The following DEPDC7 variants were observed in gnomAD, a reference collection of about 807,000 sequenced individuals.
The protein encoded by DEPDC7 is DEP domain-containing protein 7.
A neutral mutation model predicts 56.6 loss-of-function variants in DEPDC7; 41 were observed. That is an observed-to-expected ratio of 0.72 (90% CI 0.56 to 0.94). The LOEUF is 0.94. Among genes scored for constraint, DEPDC7 ranks in the 40% least tolerant of loss-of-function variants. The pLI, the probability that DEPDC7 is intolerant of heterozygous loss-of-function variation, is 0.00. For missense variants in DEPDC7, 522 were observed against 596.3 expected (o/e 0.88, Z 1.30); for synonymous variants, 185 against 208.8 (o/e 0.89, Z 0.98).
At chr11:33,016,736 T>G in intron 1 of DEPDC7, 1 of 732,398 alleles carries the variant, frequency 1.4e-6, no homozygotes, top group South Asian at 1.8e-5. Flanking sequence ...GGATTCTGGT[T>G]TCTTTAAATG....
rs764361404 is a variant in DEPDC7 at position 33,025,931 on chromosome 11, T to A, written c.346T>A (p.Phe116Ile). Residue 116 changes from phenylalanine to isoleucine, a missense_variant, in exon 2 of 9, where the codon TTT becomes ATT. Physicochemically the swap from Phe to Ile is conservative, Grantham distance 21 (BLOSUM62 0). Coordinates refer to ENST00000241051, the MANE Select transcript of DEPDC7 (RefSeq NM_001077242.2). ...ATTTGAAGCAGTTCCAACCAAAGTC[T>A]TTGGAAAAGACAAAAAACCTACATT... is the stretch of plus-strand genomic sequence containing the variant. The part of the protein sequence containing the change: ...KVFEAVPTKV[F>I]GKDKKPTFED... The A allele has an allele frequency of 6.2e-7, 1 of 1,614,090 alleles. No individual in the cohort carries two copies.
At chr11:33,029,134 T>C (rs1000513915) in intron 4 of DEPDC7, among the ~76,000 whole-genome samples, 1 of 151,316 alleles carries the variant, frequency 6.6e-6, no homozygotes, top group Non-Finnish European at 1.5e-5. Flanking sequence ...TTTGACAGAT[T>C]ATTGAGATCC....
chr11:33,017,538 A>G (rs1411252059), intron 1 of DEPDC7, among the ~76,000 whole-genome samples: 1 of 152,220 alleles, frequency 6.6e-6, no homozygotes, highest in Admixed American at 6.5e-5. Context: ...CACTAGCTGC[A>G]GTGGACGGAG....
At chr11:33,016,531 C>CT (rs774585517) in intron 1 of DEPDC7, 1 of 1,614,126 alleles carries the variant, frequency 6.2e-7, no homozygotes, top group Admixed American at 1.7e-5. Flanking sequence ...CAGACTCTTC[C>CT]TGGGAGGGAT....
chr11:33,021,227 G>A (rs565630602), intron 1 of DEPDC7, among the ~76,000 whole-genome samples: 1 of 150,260 alleles, frequency 6.7e-6, no homozygotes, highest in South Asian at 2.1e-4. Flanking sequence ...CTCCAGCCTG[G>A]CGACAGAGTG....
chr11:33,032,850 G>A (rs1206249365), intron 7 of DEPDC7, 39 bp from the exon 8 acceptor site: 1 of 1,581,182 alleles, frequency 6.3e-7, no homozygotes, highest in Non-Finnish European at 8.6e-7. Context: ...AGATTAAAAT[G>A]CATTTGAATA....
Position 33,026,435 on chromosome 11 carries a change from T to C in DEPDC7, c.464+386T>C, listed in dbSNP as rs532543377. The C allele has an allele frequency of 4.5e-5, 13 of 289,442 alleles. No individual in the cohort carries two copies. In the East Asian group the frequency reaches 8.8e-4, roughly 20 times the overall value. The allele number at this position is 289,442 out of a possible 1,614,324, so 17.9% of individuals were successfully genotyped here. On this transcript the variant is annotated intron_variant, in intron 2 of 8. Coordinates refer to ENST00000241051, the MANE Select transcript of DEPDC7 (RefSeq NM_001077242.2). ...GAATTGTGGAATCCAGTGATTGAAA[T>C]GGATGTGGGTGATAATGCATAATGA...
At chr11:33,027,917 GAGAA>G (rs774267805) in intron 3 of DEPDC7, 104 bp downstream of exon 3, 44 of 1,177,466 alleles carry the variant, frequency 3.7e-5, no homozygotes, top group Non-Finnish European at 4.4e-5. Context: ...TCAAAGTACA[GAGAA>G]AGAGTGCACT....
chr11:33,022,159 C>T (rs1339305611), intron 1 of DEPDC7, among the ~76,000 whole-genome samples: 1 of 152,204 alleles, frequency 6.6e-6, no homozygotes, highest in Non-Finnish European at 1.5e-5. Flanking sequence ...TGCATGTCTT[C>T]CTTTTCCTGT....
chr11:33,022,192 T>G (rs1464050573), intron 1 of DEPDC7, among the ~76,000 whole-genome samples: 1 of 152,236 alleles, frequency 6.6e-6, no homozygotes, highest in Admixed American at 6.5e-5. Flanking sequence ...ACTGTGGTAG[T>G]ATTTATTACA....
At chr11:33,023,269 C>T (rs982943359) in intron 1 of DEPDC7, among the ~76,000 whole-genome samples, 33 of 151,376 alleles carry the variant, frequency 2.2e-4, no homozygotes, top group African/African-American at 6.8e-4. Context: ...TTTAAACCAA[C>T]GTTATAATAA....
intron 1 of DEPDC7, among the ~76,000 whole-genome samples, chr11:33,017,892 T>C (rs1253573224): frequency 2.0e-5 from 3 of 152,234 alleles, no homozygotes; most frequent in African/African-American, 7.2e-5. Context: ...GAAAGTAGTC[T>C]GTTATCCTGT....
At chr11:33,031,135 G>A (rs1853628774) in intron 4 of DEPDC7, among the ~76,000 whole-genome samples, 1 of 152,160 alleles carries the variant, frequency 6.6e-6, no homozygotes, top group South Asian at 2.1e-4. Flanking sequence ...GTGTTGTGGT[G>A]GAGAGTTTGT....
rs1853453664 is a variant in DEPDC7, at chr11:33,016,044, T to G, written c.73+16T>G. The G allele has an allele frequency of 5.4e-6, 8 of 1,482,962 alleles. No homozygotes were observed. Among genetic ancestry groups the G allele is most frequent in the Admixed American group, 2.3e-5 (1 of 43,910 alleles). 91.9% of individuals were successfully genotyped at this position (1,482,962 alleles called of 1,614,324 possible). ...AGGCCTCCGGGTAGGTGCCGAGGAC[T>G]GCCGCCTGGGATGGCGCGGGGCGGG... On this transcript the variant is annotated intron_variant, in intron 1 of 8. Transcript: ENST00000241051.
intron 1 of DEPDC7, among the ~76,000 whole-genome samples, chr11:33,022,149 T>C (rs1853530247): frequency 6.6e-6 from 1 of 152,252 alleles, no homozygotes; most frequent in African/African-American, 2.4e-5. Flanking sequence ...GTTTGAATCT[T>C]GCATGTCTTC....
At chr11:33,016,674 T>C in intron 1 of DEPDC7, 5 of 1,391,138 alleles carry the variant, frequency 3.6e-6, no homozygotes, top group Non-Finnish European at 4.1e-6. Context: ...AGGAGGGAAG[T>C]TGGCAAATTC....
At chr11:33,023,768 T>A (rs192152005) in intron 1 of DEPDC7, among the ~76,000 whole-genome samples, 1 of 152,312 alleles carries the variant, frequency 6.6e-6, no homozygotes, top group Admixed American at 6.5e-5. Flanking sequence ...AATAATGTCC[T>A]TCAGGAGCTT....
At position 33,033,329 on chromosome 11, in the gene DEPDC7, T is replaced by C; in HGVS notation, c.1410T>C (p.Asp470=). 6.2e-7 allele frequency: 1 copy of C among 1,608,762 alleles called. No individual in the cohort carries two copies. ...ACAATACAGAGAAGACAACCAAAGATGAGCTGTTGAATTTACTAAAAACTC... is the reference window on the plus strand; with the variant it reads ...ACAATACAGAGAAGACAACCAAAGACGAGCTGTTGAATTTACTAAAAACTC... ...YSNNTEKTTK[D]ELLNLLKTLD... The change falls in exon 9 of 9, where the codon GAT becomes GAC. Residue 470 remains aspartate (D), a synonymous_variant. Transcript: ENST00000241051.
intron 1 of DEPDC7, chr11:33,016,650 A>C: frequency 6.4e-7 from 1 of 1,551,838 alleles, no homozygotes; most frequent in Non-Finnish European, 8.9e-7. Flanking sequence ...CTAAAAAAAC[A>C]GTTACATGAA....
Sources: gnomAD v4.1 joint callset for allele counts (sites outside exome capture counted in the v4.1 genomes callset) on GRCh38, gnomAD v4.1.1 for gene constraint, MANE v1.5 for transcripts, NCBI Gene and HGNC (gene_info 2026-07-23, HGNC 2026-07-21) for gene names.